CELF2: variants seen among roughly 807,000 people sequenced by gnomAD.
CELF2 encodes CUG triplet repeat RNA-binding protein 2.
A neutral mutation model predicts 62.6 loss-of-function variants in CELF2; 8 were observed. The ratio of observed to expected loss-of-function variants is 0.13; its 90% CI spans 0.07 to 0.23. The LOEUF (loss-of-function observed/expected upper bound fraction) is 0.23, where lower values mean the gene tolerates loss of function less well. Ranked by LOEUF, CELF2 falls within the 10% of genes least tolerant of loss-of-function variation. The pLI is 1.00. For synonymous variants in CELF2, 258 were observed against 250.0 expected (o/e 1.03, Z -0.30); for missense variants, 333 against 671.0 (o/e 0.50, Z 5.56).
At chr10:10,715,784 C>T in the CELF2 span, among the ~76,000 whole-genome samples, 1 of 152,126 alleles carries the variant, frequency 6.6e-6, no homozygotes, top group Non-Finnish European at 1.5e-5. Context: ...TGAAAACTCT[C>T]TGGGAAGCAT....
At chr10:10,958,020 G>A (rs2049087173) in intron 2 of CELF2, among the ~76,000 whole-genome samples, 2 of 152,212 alleles carry the variant, frequency 1.3e-5, no homozygotes, top group Non-Finnish European at 2.9e-5. Context: ...CAAATTAAAT[G>A]TGAGTGGTTC....
chr10:10,836,838 C>T (rs766852961), intron 1 of CELF2, among the ~76,000 whole-genome samples: 3 of 152,044 alleles, frequency 2.0e-5, no homozygotes, highest in Non-Finnish European at 2.9e-5. Flanking sequence ...GGTTTCACCG[C>T]GTTAGCCAGG....
chr10:10,888,191 G>A (rs1177437841), intron 1 of CELF2, among the ~76,000 whole-genome samples: 2 of 152,228 alleles, frequency 1.3e-5, no homozygotes, highest in East Asian at 3.9e-4. Flanking sequence ...ATTTCTAAAG[G>A]ACAAGAGATG....
intron 1 of CELF2, among the ~76,000 whole-genome samples, chr10:11,138,231 G>C (rs889108941): frequency 2.6e-5 from 4 of 152,162 alleles, no homozygotes; most frequent in African/African-American, 9.7e-5. Context: ...TTTCCCAGCA[G>C]CTGCCATTTC....
At chr10:10,627,754 C>A in the CELF2 span, among the ~76,000 whole-genome samples, 4 of 152,322 alleles carry the variant, frequency 2.6e-5, no homozygotes, top group East Asian at 1.9e-4. Flanking sequence ...AGCTTCTACA[C>A]TTTTCATTAA....
At chr10:10,873,894 A>G (rs903124688) in intron 1 of CELF2, among the ~76,000 whole-genome samples, 9 of 152,182 alleles carry the variant, frequency 5.9e-5, no homozygotes, top group African/African-American at 2.2e-4. Flanking sequence ...TGATGCGGGC[A>G]GGTGGCACAT....
At chr10:10,797,360 C>G (rs2054204193), upstream of CELF2, among the ~76,000 whole-genome samples, 1 of 151,590 alleles carries the variant, frequency 6.6e-6, no homozygotes, top group African/African-American at 2.4e-5. Context: ...TCTTAACACT[C>G]TTAACATTGC....
chr10:10,688,815 C>A, the CELF2 span, among the ~76,000 whole-genome samples: 1 of 150,708 alleles, frequency 6.6e-6, no homozygotes, highest in Admixed American at 6.6e-5. Context: ...GTCTGAGCAA[C>A]AAAACAAAAC....
chr10:10,584,240 G>A, the CELF2 span, among the ~76,000 whole-genome samples: 4 of 152,154 alleles, frequency 2.6e-5, no homozygotes, highest in East Asian at 1.9e-4. Flanking sequence ...AACGATTTGC[G>A]AATCAGGCAG....
chr10:11,262,940 C>CTTTTTTTTTTTT lies in CELF2; in HGVS notation c.539-3642_539-3631dup, dbSNP rs553831640. ...GTTCATGCTTTTAAAAGTGGCTTTA[C>CTTTTTTTTTTTT]TTTTTTTTTTTTTTTTTTTTTTTTT... On this transcript the variant is annotated intron_variant, in intron 5 of 12. Transcript: ENST00000633077. Among the ~76,000 whole-genome samples, 386 of 52,750 alleles carry CTTTTTTTTTTTT rather than the reference C, an allele frequency of 7.3e-3. 91 individuals are homozygous for CTTTTTTTTTTTT. The highest frequency in any genetic ancestry group is 0.013 in the African/African-American group (191 of 14,454). 34.6% of individuals were successfully genotyped at this position (52,750 alleles called of 152,430 possible).
At chr10:10,788,283 C>T in the CELF2 span, among the ~76,000 whole-genome samples, 1 of 151,558 alleles carries the variant, frequency 6.6e-6, no homozygotes, top group Admixed American at 6.6e-5. Flanking sequence ...CTACTTTGTA[C>T]CCCCTAAAAG....
rs1268764177 is a variant in CELF2, at chr10:10,983,069, C to T, written c.89+63070C>T. On this transcript the variant is annotated intron_variant, in intron 2 of 13. Transcript: ENST00000636488. The surrounding 1 kb of genome is among the most constrained non-coding windows in gnomAD (Gnocchi z 5.2). ...TAGCCCTTTACTGACTTGGAGGTTG[C>T]ATCTTCTCAATCCGGTAATTAGCTG... Among the ~76,000 whole-genome samples, 1 of 152,052 alleles carries T rather than the reference C, an allele frequency of 6.6e-6. No homozygotes were observed. Among genetic ancestry groups the T allele is most frequent in the East Asian group, 1.9e-4 (1 of 5,194 alleles).
the CELF2 span, among the ~76,000 whole-genome samples, chr10:10,476,444 G>A: frequency 6.6e-6 from 1 of 152,112 alleles, no homozygotes; most frequent in Non-Finnish European, 1.5e-5. Context: ...CATCTGCTGG[G>A]ACAAGGGATT....
chr10:10,841,480 A>G (rs948103511), intron 1 of CELF2, among the ~76,000 whole-genome samples: 5 of 151,220 alleles, frequency 3.3e-5, no homozygotes, highest in Non-Finnish European at 5.9e-5. Flanking sequence ...ATATAGATGG[A>G]TATCCAGTTG....
At chr10:10,841,180 A>T (rs2058657275) in intron 1 of CELF2, among the ~76,000 whole-genome samples, 1 of 152,152 alleles carries the variant, frequency 6.6e-6, no homozygotes, top group African/African-American at 2.4e-5. Flanking sequence ...TGGTAGAATG[A>T]TTTATAATCG....
the CELF2 span, among the ~76,000 whole-genome samples, chr10:10,716,105 C>T: frequency 3.3e-5 from 5 of 152,110 alleles, no homozygotes; most frequent in East Asian, 7.7e-4. Context: ...CTAGGTGGCC[C>T]CTGGATATAT....
intron 1 of CELF2, among the ~76,000 whole-genome samples, chr10:11,009,870 GT>G (rs2056118095): frequency 6.6e-6 from 1 of 152,198 alleles, no homozygotes. Flanking sequence ...TCCGATATGC[GT>G]GGCTGTTTTC....
intron 1 of CELF2, among the ~76,000 whole-genome samples, chr10:11,024,020 A>G (rs1361822432): frequency 6.6e-6 from 1 of 152,244 alleles, no homozygotes; most frequent in Non-Finnish European, 1.5e-5. Flanking sequence ...GCAAATTATT[A>G]GACCCATTTT....
At chr10:11,077,161 G>A (rs917804405) in intron 1 of CELF2, among the ~76,000 whole-genome samples, 9 of 152,176 alleles carry the variant, frequency 5.9e-5, no homozygotes, top group African/African-American at 1.2e-4. Context: ...TTCACACAGT[G>A]CCGAGGGTTA....
Sources: gnomAD v4.1 joint callset for allele counts (sites outside exome capture counted in the v4.1 genomes callset) on GRCh38, gnomAD v4.1.1 for gene constraint, Gnocchi (gnomAD v3.1) non-coding constraint, MANE v1.5 for transcripts, NCBI Gene and HGNC (gene_info 2026-07-23, HGNC 2026-07-21) for gene names.